LACTB2: variants seen among roughly 807,000 people sequenced by gnomAD.
The protein encoded by LACTB2 is lactamase beta 2.
LACTB2 carries 32 observed loss-of-function variants against 34.8 expected under a neutral mutation model. The ratio of observed to expected loss-of-function variants is 0.92; its 90% CI spans 0.69 to 1.24. LACTB2 has a LOEUF of 1.24. LACTB2 is among the 50% of genes most tolerant of loss of function. The probability of loss-of-function intolerance (pLI) is 0.00; values close to 1 mark genes in which losing one functional copy is unlikely to be tolerated. For missense variants in LACTB2, 320 were observed against 345.0 expected (o/e 0.93, Z 0.57); for synonymous variants, 120 against 117.5 (o/e 1.02, Z -0.14).
intron 3 of LACTB2, among the ~76,000 whole-genome samples, chr8:70,657,293 A>C (rs1446597118): frequency 6.6e-6 from 1 of 152,172 alleles, no homozygotes; most frequent in Non-Finnish European, 1.5e-5. Context: ...AATTTAATAA[A>C]GAGTGAAGTC....
intron 3 of LACTB2, among the ~76,000 whole-genome samples, chr8:70,647,855 T>G (rs1818282616): frequency 2.0e-5 from 3 of 152,144 alleles, no homozygotes; most frequent in South Asian, 2.1e-4. Context: ...CCACTTTGAG[T>G]TGAGAAGTGC....
At chr8:70,641,509 TTAC>T (rs1818199372) in intron 4 of LACTB2, among the ~76,000 whole-genome samples, 1 of 152,178 alleles carries the variant, frequency 6.6e-6, no homozygotes, top group Non-Finnish European at 1.5e-5. Context: ...CCGTCCACAG[TTAC>T]ATAGCTAAGA....
intron 2 of LACTB2, among the ~76,000 whole-genome samples, chr8:70,659,119 A>C (rs559762888): frequency 6.6e-6 from 1 of 152,252 alleles, no homozygotes; most frequent in African/African-American, 2.4e-5. Flanking sequence ...GGCTAGGAAG[A>C]GTGGAGATAA....
chr8:70,639,877 G>A (rs575841915), intron 5 of LACTB2, among the ~76,000 whole-genome samples: 11 of 152,162 alleles, frequency 7.2e-5, no homozygotes, highest in Admixed American at 2.0e-4. Context: ...CAGGAGAATC[G>A]CGTGAACCCA....
intron 1 of LACTB2, among the ~76,000 whole-genome samples, chr8:70,666,666 G>A (rs754204858): frequency 6.6e-6 from 1 of 152,200 alleles, no homozygotes; most frequent in Non-Finnish European, 1.5e-5. Flanking sequence ...CCAATTAGGA[G>A]GCTATTACAG....
At chr8:70,643,035 G>C (rs1424460130) in intron 4 of LACTB2, among the ~76,000 whole-genome samples, 1 of 152,006 alleles carries the variant, frequency 6.6e-6, no homozygotes, top group Non-Finnish European at 1.5e-5. Flanking sequence ...AGTGGTTTAT[G>C]GAATGAAAAC....
intron 5 of LACTB2, 111 bp from the exon 6 acceptor site, chr8:70,638,740 A>C: frequency 1.1e-6 from 1 of 938,818 alleles, no homozygotes. Flanking sequence ...TTTATCTTAA[A>C]CACATTTTTT....
intron 3 of LACTB2, among the ~76,000 whole-genome samples, chr8:70,657,049 A>G (rs556472035): frequency 6.6e-6 from 1 of 152,282 alleles, no homozygotes; most frequent in South Asian, 2.1e-4. Context: ...CAGTTTTACA[A>G]TAACTGAGTT....
chr8:70,657,153 G>T (rs1348372799), intron 3 of LACTB2, among the ~76,000 whole-genome samples: 1 of 152,204 alleles, frequency 6.6e-6, no homozygotes, highest in Non-Finnish European at 1.5e-5. Context: ...TCTTTGGGAA[G>T]TGAGAATATG....
At chr8:70,660,298 G>GAAGAGGTAAGACAAAATTAA in intron 2 of LACTB2, 1 of 286,128 alleles carries the variant, frequency 3.5e-6, no homozygotes, top group South Asian at 3.3e-5. Flanking sequence ...TAGATTAAAA[G>GAAGAGGTAAGACAAAATTAA]AAGAGGTAAG....
In LACTB2 at chr8:70,644,203, G is replaced by A; in HGVS notation, c.454C>T (p.Leu152=). 1.9e-6 allele frequency: 3 copies of A among 1,610,978 alleles called. No homozygotes were observed. The highest frequency in any genetic ancestry group is 2.5e-6 in the Non-Finnish European group (3 of 1,178,710). Residue 152 remains leucine, a synonymous_variant, in exon 4 of 7, where the codon CTA becomes TTA. Coordinates refer to ENST00000276590, the MANE Select transcript of LACTB2 (RefSeq NM_016027.3). ...TPGHTDDHMA[L]LLEEENAIFS... ...ATAGCATTTTCCTCTTCTAAGAGTA[G>A]AGCCATGTGATCATCAGTGTGGCCA...
intron 1 of LACTB2, among the ~76,000 whole-genome samples, chr8:70,666,173 G>A (rs1218818768): frequency 2.6e-5 from 4 of 152,196 alleles, no homozygotes; most frequent in Non-Finnish European, 5.9e-5. Context: ...ACAAGGCTCT[G>A]TGCTAGGTGC....
intron 6 of LACTB2, 129 bp downstream of exon 6, chr8:70,638,417 CTG>C: frequency 3.0e-6 from 3 of 1,005,720 alleles, no homozygotes; most frequent in Non-Finnish European, 4.1e-6. Flanking sequence ...TTCCTAGCGC[CTG>C]TCTCTCCAAC....
At chr8:70,660,963 A>G (rs1260357960) in intron 2 of LACTB2, 1 of 455,080 alleles carries the variant, frequency 2.2e-6, no homozygotes, top group Admixed American at 2.4e-5. Context: ...CTTTTTTTGT[A>G]GAGACAGGGT....
Position 70,640,921 on chromosome 8 carries a change from A to G in LACTB2, c.722T>C (p.Leu241Pro). ...AATTACCTTGTAAATAATTTTTACA[A>G]GCTCCATTACTGTAAATGATTTCTC... Reference protein sequence around the residue: ...NFEKSFTVMELVKIIYKNTPE... With the variant: ...NFEKSFTVMEPVKIIYKNTPE... Residue 241 changes from leucine (L) to proline (P), a missense_variant, in exon 5 of 7, where the codon CTT (leucine) becomes CCT (proline). Coordinates refer to ENST00000276590, the MANE Select transcript of LACTB2 (RefSeq NM_016027.3). 7.0e-6 allele frequency: 11 copies of G among 1,579,030 alleles called. No individual in the cohort carries two copies. The highest frequency in any genetic ancestry group is 9.4e-6 in the Non-Finnish European group (11 of 1,167,868).
At chr8:70,650,818 C>T (rs1283288939) in intron 3 of LACTB2, among the ~76,000 whole-genome samples, 1 of 149,950 alleles carries the variant, frequency 6.7e-6, no homozygotes, top group Non-Finnish European at 1.5e-5. Flanking sequence ...AAAAATACTA[C>T]CCAATTTTAT....
intron 2 of LACTB2, 128 bp downstream of exon 2, chr8:70,661,606 T>C (rs1818481539): frequency 1.3e-6 from 1 of 760,904 alleles, no homozygotes; most frequent in South Asian, 2.0e-5. Context: ...CTAATCAATT[T>C]CTAAAAGTAC....
intron 3 of LACTB2, chr8:70,646,566 T>C (rs1818266593): frequency 6.6e-6 from 1 of 151,864 alleles, no homozygotes; most frequent in Non-Finnish European, 1.5e-5. Flanking sequence ...CTACCCTATA[T>C]AAGAAACTTA....
rs1236724836 is a variant in LACTB2, at chr8:70,637,445, T to C, written c.*415A>G. 1 of 152,358 alleles carries C rather than the reference T, an allele frequency of 6.6e-6. No homozygotes were observed. The highest frequency in any genetic ancestry group is 2.4e-5 in the African/African-American group (1 of 41,418). 9.4% of individuals were successfully genotyped at this position (152,358 alleles called of 1,614,324 possible). A position where few individuals can be genotyped will look rare whatever the true frequency, so the allele number is the denominator to read the frequency against. ...ATTATGTACAGATAGAGACAAGGGT[T>C]GAGGAAAGAGTAAAGGTGCATAGAA... is the stretch of plus-strand genomic sequence containing the variant. On this transcript the variant is annotated 3_prime_UTR_variant, in exon 7 of 7. Coordinates refer to ENST00000276590, the MANE Select transcript of LACTB2 (RefSeq NM_016027.3).
Sources: gnomAD v4.1 joint callset for allele counts (sites outside exome capture counted in the v4.1 genomes callset) on GRCh38, gnomAD v4.1.1 for gene constraint, MANE v1.5 for transcripts, NCBI Gene and HGNC (gene_info 2026-07-23, HGNC 2026-07-21) for gene names.